ASCC1: variants seen among roughly 807,000 people sequenced by gnomAD.
ASCC1 encodes ASC-1 complex subunit P50.
ASCC1 carries 35 observed loss-of-function variants against 46.6 expected under a neutral mutation model. That is an observed-to-expected ratio of 0.75 (90% CI 0.57 to 0.99). ASCC1 has a LOEUF of 0.99. ASCC1 is among the 50% of genes least tolerant of loss of function. The pLI is 0.00. For synonymous variants in ASCC1, 143 were observed against 146.6 expected (o/e 0.98, Z 0.18); for missense variants, 376 against 428.7 (o/e 0.88, Z 1.09).
intron 8 of ASCC1, among the ~76,000 whole-genome samples, chr10:72,129,645 A>G (rs559321343): frequency 6.6e-6 from 1 of 152,170 alleles, no homozygotes; most frequent in South Asian, 2.1e-4. Context: ...GTCTCTACTA[A>G]AAATGCAAAA....
rs760451244 is a variant in ASCC1 at position 72,096,365 on chromosome 10, T to C, written c.*969A>G. 2.2e-6 allele frequency: 1 copy of C among 454,078 alleles called. No homozygotes were observed. Among genetic ancestry groups the C allele is most frequent in the South Asian group, 1.6e-5 (1 of 64,474 alleles). 28.1% of individuals were successfully genotyped at this position (454,078 alleles called of 1,614,324 possible). Reference sequence around the variant, plus strand: ...AGTCCTGCTGATATCATCAGTTTCTTTTGCTGCTGCCTTGAAAAGTAAACA... The same window carrying C: ...AGTCCTGCTGATATCATCAGTTTCTCTTGCTGCTGCCTTGAAAAGTAAACA... On this transcript the variant is annotated 3_prime_UTR_variant, in exon 10 of 10. Transcript: ENST00000672957.
At chr10:72,200,646 A>G (rs1028773443) in intron 4 of ASCC1, among the ~76,000 whole-genome samples, 2 of 150,392 alleles carry the variant, frequency 1.3e-5, no homozygotes, top group Non-Finnish European at 2.9e-5. Context: ...CCTGGGCAAC[A>G]AGAGCGAAAC....
chr10:72,182,449 A>AG (rs771254397), intron 5 of ASCC1, among the ~76,000 whole-genome samples: 38 of 152,158 alleles, frequency 2.5e-4, no homozygotes, highest in African/African-American at 8.4e-4. Context: ...CCTGACTTGG[A>AG]GGGCTAATGG....
chr10:72,187,819 G>C (rs1437603804), intron 5 of ASCC1, among the ~76,000 whole-genome samples: 1 of 150,926 alleles, frequency 6.6e-6, no homozygotes, highest in Non-Finnish European at 1.5e-5. Context: ...AGTTAGAGGT[G>C]GTGGGCATCT....
intron 5 of ASCC1, among the ~76,000 whole-genome samples, chr10:72,166,962 A>G (rs1045616583): frequency 6.6e-6 from 1 of 151,694 alleles, no homozygotes; most frequent in Non-Finnish European, 1.5e-5. Flanking sequence ...ATATGGAAAA[A>G]CCGAGCAGCC....
intron 9 of ASCC1, among the ~76,000 whole-genome samples, chr10:72,127,664 C>CTTTCTTT (rs368018527): frequency 7.7e-6 from 1 of 130,008 alleles, no homozygotes; most frequent in African/African-American, 3.1e-5. Context: ...CTAAGGGTTT[C>CTTTCTTT]TTTTTTTTTT....
chr10:72,127,799 T>C (rs1845058737), intron 9 of ASCC1, among the ~76,000 whole-genome samples: 1 of 151,736 alleles, frequency 6.6e-6, no homozygotes, highest in Non-Finnish European at 1.5e-5. Context: ...AAGGCTCCAG[T>C]GAGCAGTGTT....
intron 7 of ASCC1, 21 bp downstream of exon 7, chr10:72,152,848 A>G: frequency 6.2e-7 from 1 of 1,614,064 alleles, no homozygotes; most frequent in Non-Finnish European, 8.5e-7. Context: ...ATTGAAACAA[A>G]GAAGCATTCC....
At chr10:72,141,036 TATAGATAG>T (rs10655614) in intron 7 of ASCC1, among the ~76,000 whole-genome samples, 10,254 of 144,214 alleles carry the variant, frequency 0.071, 431 homozygotes, top group East Asian at 0.15. Context: ...TCAAATTGTT[TATAGATAG>T]ATAGATAGAT....
intron 5 of ASCC1, among the ~76,000 whole-genome samples, chr10:72,166,529 GC>G (rs1446982560): frequency 6.7e-6 from 1 of 148,476 alleles, no homozygotes; most frequent in Non-Finnish European, 1.5e-5. Flanking sequence ...CACAATATCT[GC>G]CTTTTTTTAG....
At chr10:72,144,260 C>T (rs911039538) in intron 7 of ASCC1, among the ~76,000 whole-genome samples, 6 of 152,170 alleles carry the variant, frequency 3.9e-5, no homozygotes, top group Admixed American at 3.9e-4. Flanking sequence ...CAGGCGTGAG[C>T]CACCACAGCT....
chr10:72,106,920 A>G (rs907066937), intron 9 of ASCC1, among the ~76,000 whole-genome samples: 6 of 152,224 alleles, frequency 3.9e-5, no homozygotes, highest in African/African-American at 7.2e-5. Flanking sequence ...CTCAATTCCA[A>G]TAACAAATAT....
At chr10:72,136,151 T>G (rs1255868904) in intron 7 of ASCC1, among the ~76,000 whole-genome samples, 2 of 152,152 alleles carry the variant, frequency 1.3e-5, no homozygotes, top group African/African-American at 4.8e-5. Context: ...GCCTCCCAAG[T>G]TGTTGGGACT....
intron 9 of ASCC1, among the ~76,000 whole-genome samples, chr10:72,100,938 G>A (rs942557482): frequency 6.6e-6 from 1 of 152,122 alleles, no homozygotes; most frequent in Non-Finnish European, 1.5e-5. Context: ...TGAATTTAAA[G>A]GTCTAATGTA....
Position 72,196,898 on chromosome 10 carries a change from AGT to A in ASCC1, c.400_401del (p.Thr134SerfsTer9). The A allele has an allele frequency of 6.2e-7, 1 of 1,613,648 alleles. No individual in the cohort carries two copies. The highest frequency in any genetic ancestry group is 8.5e-7 in the Non-Finnish European group (1 of 1,180,018). ...CATTGAGGAAAAAGGCAAGGAAGTG[AGT>A]GAAGGGCTGCTTTCTTCGAAAAGTG... ...LDTFRRKQPFTHFLAFFLNEV... is the reference protein window; with the variant it reads ...LDTFRRKQPFXHFLAFFLNEV... On this transcript the variant is annotated frameshift_variant, in exon 5 of 10. Transcript: ENST00000672957. LOFTEE classifies it high-confidence loss of function.
At chr10:72,160,071 A>AT (rs1369735138) in intron 6 of ASCC1, among the ~76,000 whole-genome samples, 4 of 151,768 alleles carry the variant, frequency 2.6e-5, no homozygotes, top group Admixed American at 1.3e-4. Flanking sequence ...TGCCCAGCTA[A>AT]TTTTTTGCAT....
chr10:72,105,149 CCAG>C (rs1564575956), intron 9 of ASCC1, among the ~76,000 whole-genome samples: 1 of 152,192 alleles, frequency 6.6e-6, no homozygotes, highest in Non-Finnish European at 1.5e-5. Context: ...GTGCGGGTAC[CCAG>C]AAAAGGCTGT....
chr10:72,118,164 G>A (rs940655858), intron 9 of ASCC1, among the ~76,000 whole-genome samples: 1 of 150,932 alleles, frequency 6.6e-6, no homozygotes, highest in Non-Finnish European at 1.5e-5. Flanking sequence ...TCAGGAGATC[G>A]AGACCATCCT....
intron 9 of ASCC1, chr10:72,102,836 A>T (rs1163470935): frequency 8.5e-6 from 3 of 353,584 alleles, no homozygotes; most frequent in South Asian, 6.4e-5. Flanking sequence ...TTAGCCAGGC[A>T]TGGTGGCGGT....
Sources: allele counts gnomAD v4.1 joint callset (sites outside exome capture counted in the v4.1 genomes callset), GRCh38; gene constraint gnomAD v4.1.1; transcripts MANE v1.5; gene names NCBI Gene and HGNC (gene_info 2026-07-23, HGNC 2026-07-21).